The following ODAD2 variants were observed in gnomAD, a reference collection of about 807,000 sequenced individuals.
ODAD2 encodes the protein outer dynein arm-docking complex subunit 2.
In ODAD2, 89 loss-of-function variants were observed where a neutral mutation model predicts 106.8. The ratio of observed to expected loss-of-function variants is 0.83; its 90% CI spans 0.70 to 0.99. The LOEUF (loss-of-function observed/expected upper bound fraction) is 0.99, where lower values mean the gene tolerates loss of function less well. Among genes scored for constraint, ODAD2 ranks in the 50% least tolerant of loss-of-function variants. The pLI is 0.00. For synonymous variants in ODAD2, 404 were observed against 436.2 expected, an observed-to-expected ratio of 0.93 and a Z score of 0.92; for missense variants, 1,168 against 1,238.5, an observed-to-expected ratio of 0.94 and a Z score of 0.85.
rs1465796326 is a variant in ODAD2 at position 27,993,976 on chromosome 10, G to GTA, written c.224+942_224+943insTA. ...GGCTGGCAAATATATATATATATATGTGTGTGTGTGTGTGTGTGTGTGTGT... is the reference window on the plus strand; with the variant it reads ...GGCTGGCAAATATATATATATATATGTATGTGTGTGTGTGTGTGTGTGTGTGT... On this transcript the variant is annotated intron_variant, in intron 2 of 19. Coordinates refer to ENST00000305242, the MANE Select transcript of ODAD2 (RefSeq NM_018076.5). 3.5e-3 allele frequency among the ~76,000 whole-genome samples: 412 copies of GTA among 116,390 alleles called. 3 individuals are homozygous for GTA. Among genetic ancestry groups the GTA allele is most frequent in the African/African-American group, 0.013 (384 of 30,048 alleles). The allele number at this position is 116,390 out of a possible 152,430, so 76.4% of individuals were successfully genotyped here.
At chr10:27,987,098 G>A (rs1343744878) in intron 3 of ODAD2, among the ~76,000 whole-genome samples, 1 of 152,236 alleles carries the variant, frequency 6.6e-6, no homozygotes, top group African/African-American at 2.4e-5. Flanking sequence ...CTTTCCAGAA[G>A]CTGAGAAGGT....
intron 19 of ODAD2, among the ~76,000 whole-genome samples, chr10:27,837,151 C>T (rs4749264): frequency 0.51 from 77,120 of 152,096 alleles, 20,762 homozygotes; most frequent in Non-Finnish European, 0.61. Flanking sequence ...ACCAGCATCT[C>T]GGCTGCCTCT....
chr10:27,833,490 A>G (rs1446564344), intron 19 of ODAD2, among the ~76,000 whole-genome samples: 3 of 152,244 alleles, frequency 2.0e-5, no homozygotes, highest in African/African-American at 7.2e-5. Flanking sequence ...TTAAAAATTA[A>G]AATAAACAAT....
chr10:27,843,244 G>A (rs750585602), intron 19 of ODAD2, among the ~76,000 whole-genome samples: 4 of 152,172 alleles, frequency 2.6e-5, no homozygotes, highest in East Asian at 3.8e-4. Context: ...AATAAAAACA[G>A]CCTATCTGCA....
intron 16 of ODAD2, among the ~76,000 whole-genome samples, chr10:27,929,944 C>A (rs764803759): frequency 1.3e-5 from 2 of 152,092 alleles, no homozygotes; most frequent in Non-Finnish European, 2.9e-5. Flanking sequence ...GCAAAGTTTT[C>A]TTCTGTTATA....
chr10:27,842,729 A>G (rs1160785519), intron 19 of ODAD2, among the ~76,000 whole-genome samples: 1 of 152,250 alleles, frequency 6.6e-6, no homozygotes, highest in African/African-American at 2.4e-5. Context: ...CAGATGATTG[A>G]TTAAAATTCT....
chr10:27,953,659 A>T (rs1847521242), intron 10 of ODAD2, among the ~76,000 whole-genome samples: 1 of 152,202 alleles, frequency 6.6e-6, no homozygotes, highest in Non-Finnish European at 1.5e-5. Context: ...ACAGAATATT[A>T]AATATAAAAA....
intron 16 of ODAD2, among the ~76,000 whole-genome samples, chr10:27,916,654 T>C (rs1313673446): frequency 6.6e-6 from 1 of 152,170 alleles, no homozygotes; most frequent in Non-Finnish European, 1.5e-5. Context: ...ACTTAATGAA[T>C]AGTAATTATA....
rs549871181 is a variant in ODAD2, at chr10:27,941,041, C to T, written c.1744-236G>A. 2.6e-5 allele frequency among the ~76,000 whole-genome samples: 4 copies of T among 152,218 alleles called. No homozygotes were observed. In the South Asian group the frequency reaches 8.3e-4, roughly 32 times the overall value. Reference sequence around the variant, plus strand: ...TTCCTTCCCACAAGAAATGTAAGCCCACCAAGATAGTATTTTCTTAACATG... The same window carrying T: ...TTCCTTCCCACAAGAAATGTAAGCCTACCAAGATAGTATTTTCTTAACATG... On this transcript the variant is annotated intron_variant, in intron 12 of 19. Transcript: ENST00000305242.
chr10:27,866,981 T>G (rs1840485134), intron 17 of ODAD2, among the ~76,000 whole-genome samples: 1 of 151,532 alleles, frequency 6.6e-6, no homozygotes, highest in Non-Finnish European at 1.5e-5. Context: ...CAGAACTTCT[T>G]TTTTTTTTCT....
At chr10:27,988,541 T>C (rs1405388068) in intron 2 of ODAD2, among the ~76,000 whole-genome samples, 2 of 152,074 alleles carry the variant, frequency 1.3e-5, no homozygotes, top group Non-Finnish European at 1.5e-5. Flanking sequence ...TTACACTATG[T>C]TGGCCAGGCT....
At chr10:27,894,412 A>G (rs1842739080) in intron 17 of ODAD2, among the ~76,000 whole-genome samples, 1 of 152,104 alleles carries the variant, frequency 6.6e-6, no homozygotes, top group African/African-American at 2.4e-5. Flanking sequence ...AGTTGATCGT[A>G]AAATAAACTA....
chr10:27,979,007 C>T (rs1030433356), intron 7 of ODAD2, among the ~76,000 whole-genome samples: 4 of 151,708 alleles, frequency 2.6e-5, no homozygotes, highest in East Asian at 3.9e-4. Flanking sequence ...GCCAAGAGTT[C>T]GAGACCAGCC....
At chr10:27,941,176 C>CTATA (rs1846392833) in intron 12 of ODAD2, among the ~76,000 whole-genome samples, 1 of 152,144 alleles carries the variant, frequency 6.6e-6, no homozygotes, top group Admixed American at 6.5e-5. Flanking sequence ...ACTGAATGGA[C>CTATA]TATACACCTT....
At position 27,940,763 on chromosome 10, in the gene ODAD2, G is replaced by C. The variant is rs775678325; in HGVS notation, c.1786C>G (p.Gln596Glu). The C allele has an allele frequency of 6.2e-7, 1 of 1,614,034 alleles. No individual in the cohort carries two copies. The highest frequency in any genetic ancestry group is 8.5e-7 in the Non-Finnish European group (1 of 1,179,986). The change falls in exon 13 of 20, where the codon CAA (glutamine) becomes GAA (glutamate). Residue 596 changes from glutamine (Q) to glutamate (E), a missense_variant. Physicochemically the swap from Gln to Glu is conservative, Grantham distance 29. This residue lies in a region of ODAD2 where 701 missense variants were observed against 712.3 expected (regional missense o/e 0.98). Coordinates refer to ENST00000305242, the MANE Select transcript of ODAD2 (RefSeq NM_018076.5). ...TCTCTGGCCTCATACAGACTCGATT[G>C]GGCAGGTTTTGTGGAATCATGTGCA... ...DCAHDSTKPAQSSLYEARDVE... is the reference protein window; with the variant it reads ...DCAHDSTKPAESSLYEARDVE...
At position 27,986,292 on chromosome 10, in the gene ODAD2, C is replaced by T. The variant is rs111521735; in HGVS notation, c.383-1081G>A. Among the ~76,000 whole-genome samples the T allele has an allele frequency of 4.3e-3, 659 of 152,240 alleles. 7 individuals carry two copies. Among genetic ancestry groups the T allele is most frequent in the African/African-American group, 0.015 (632 of 41,532 alleles). On this transcript the variant is annotated intron_variant, in intron 3 of 19. Coordinates refer to ENST00000305242, the MANE Select transcript of ODAD2 (RefSeq NM_018076.5). ...TGGCATAAACCTGACTACCAAATTG[C>T]CATGTACCATGCAACTTGGACCTGA...
At chr10:27,997,182 A>G (rs1285710930) in intron 1 of ODAD2, among the ~76,000 whole-genome samples, 1 of 152,190 alleles carries the variant, frequency 6.6e-6, no homozygotes, top group Non-Finnish European at 1.5e-5. Flanking sequence ...GTATTCTAGC[A>G]TTTTGTTTCT....
chr10:27,897,323 C>T (rs888247716), intron 17 of ODAD2, among the ~76,000 whole-genome samples: 5 of 152,124 alleles, frequency 3.3e-5, no homozygotes, highest in Admixed American at 2.0e-4. Flanking sequence ...CATCCAGATT[C>T]GTGTATTCAA....
At chr10:27,870,636 A>G (rs1840799841) in intron 17 of ODAD2, among the ~76,000 whole-genome samples, 1 of 152,104 alleles carries the variant, frequency 6.6e-6, no homozygotes, top group African/African-American at 2.4e-5. Flanking sequence ...TAGTTTGCTG[A>G]GAATGATGGT....
Sources: gnomAD v4.1 joint callset for allele counts (sites outside exome capture counted in the v4.1 genomes callset) on GRCh38, gnomAD v4.1.1 for gene constraint, gnomAD v4.1.1 regional missense constraint, MANE v1.5 for transcripts, NCBI Gene and HGNC (gene_info 2026-07-23, HGNC 2026-07-21) for gene names.